The following CARS1 variants were observed in gnomAD, a reference collection of about 807,000 sequenced individuals.
CARS1 encodes cysteine--tRNA ligase, cytoplasmic.
Under a neutral mutation model 106.2 loss-of-function variants are expected in CARS1, and 48 were observed. The ratio of observed to expected loss-of-function variants is 0.45; its 90% CI spans 0.36 to 0.57. CARS1 has a LOEUF of 0.57. Ranked by LOEUF, CARS1 falls within the 20% of genes least tolerant of loss-of-function variation. The pLI, the probability that CARS1 is intolerant of heterozygous loss-of-function variation, is 0.00. For synonymous variants in CARS1, 409 were observed against 403.4 expected, an observed-to-expected ratio of 1.01 and a Z score of -0.17; for missense variants, 968 against 1,057.2, an observed-to-expected ratio of 0.92 and a Z score of 1.17.
chr11:3,001,391 C>A, intron 22 of CARS1, 143 bp from the exon 23 acceptor site: 1 of 934,852 alleles, frequency 1.1e-6, no homozygotes, highest in Non-Finnish European at 1.6e-6. Flanking sequence ...CACCACACTG[C>A]TCTGGAGCCA....
intron 1 of CARS1, chr11:3,054,758 T>C (rs907553735): frequency 2.0e-5 from 13 of 645,988 alleles, no homozygotes; most frequent in Middle Eastern, 8.1e-4. Context: ...TGGCAGGAGA[T>C]AACAGATGCA....
rs1854422494 is a variant in CARS1 at position 3,041,358 on chromosome 11, G to A, written c.367-374C>T. ...CCCTGAGCTAAATATTCAATATGCA[G>A]TACACTCTAGGACGTAGGTTATGTC... On this transcript the variant is annotated intron_variant, in intron 3 of 22. Transcript: ENST00000380525. This position sits in a 1 kb window ranked among gnomAD's most constrained non-coding sequence, Gnocchi z 4.9. The A allele has an allele frequency of 4.0e-6, 1 of 251,410 alleles. No homozygotes were observed. Among genetic ancestry groups the A allele is most frequent in the Non-Finnish European group, 7.8e-6 (1 of 127,412 alleles). 15.6% of individuals were successfully genotyped at this position (251,410 alleles called of 1,614,324 possible).
Position 3,019,065 on chromosome 11 carries a change from G to C in CARS1, c.1395+74C>G. ...AGTGAGAGAGGCCCTTCTGAGGCCT[G>C]GGCTGACTTTTCCTCCACTGCAGTA... On this transcript the variant is annotated intron_variant, in intron 12 of 22. Coordinates refer to ENST00000380525, the MANE Select transcript of CARS1 (RefSeq NM_001014437.3). The surrounding 1 kb of genome is among the most constrained non-coding windows in gnomAD (Gnocchi z 6.2). The C allele has an allele frequency of 2.1e-6, 3 of 1,462,170 alleles. No individual in the cohort carries two copies. Among genetic ancestry groups the C allele is most frequent in the Non-Finnish European group, 2.7e-6 (3 of 1,098,606 alleles). The allele number at this position is 1,462,170 out of a possible 1,614,324, so 90.6% of individuals were successfully genotyped here.
chr11:3,051,886 G>C (rs968022605), intron 1 of CARS1, among the ~76,000 whole-genome samples: 9 of 152,180 alleles, frequency 5.9e-5, no homozygotes, highest in Non-Finnish European at 1.2e-4. Context: ...GCAGCACCCT[G>C]AGAAACAGTG....
intron 22 of CARS1, among the ~76,000 whole-genome samples, chr11:3,001,468 G>C (rs1193409312): frequency 2.6e-5 from 4 of 152,154 alleles, no homozygotes; most frequent in Non-Finnish European, 4.4e-5. Flanking sequence ...GAGTCTGGGG[G>C]TGCTTCCTGC....
chr11:3,015,350 A>G (rs1485350900), intron 17 of CARS1, among the ~76,000 whole-genome samples: 1 of 152,266 alleles, frequency 6.6e-6, no homozygotes, highest in African/African-American at 2.4e-5. Flanking sequence ...ACCGAGGCAG[A>G]CAGTGGCGTA....
chr11:3,020,087 C>T lies in CARS1; in HGVS notation c.1266+133G>A, dbSNP rs532419207. On this transcript the variant is annotated intron_variant, in intron 11 of 22. Transcript: ENST00000380525. The surrounding 1 kb of genome is among the most constrained non-coding windows in gnomAD (Gnocchi z 4.6). ...GGTCCCCGGGGCCAGGCAGCCTGTGCTGCACCAGCACCAGGCTCTGGCCCA... is the reference window on the plus strand; with the variant it reads ...GGTCCCCGGGGCCAGGCAGCCTGTGTTGCACCAGCACCAGGCTCTGGCCCA... 1.2e-5 allele frequency: 8 copies of T among 670,528 alleles called. No homozygotes were observed. Among genetic ancestry groups the T allele is most frequent in the African/African-American group, 7.2e-5 (4 of 55,894 alleles). The allele number at this position is 670,528 out of a possible 1,614,324, so 41.5% of individuals were successfully genotyped here.
At position 3,028,219 on chromosome 11, in the gene CARS1, T is replaced by C. The variant is rs951585362; in HGVS notation, c.1031+777A>G. 1.1e-5 allele frequency: 4 copies of C among 374,598 alleles called. No individual in the cohort carries two copies. Among genetic ancestry groups the C allele is most frequent in the Non-Finnish European group, 1.0e-5 (2 of 199,230 alleles). The allele number at this position is 374,598 out of a possible 1,614,324, so 23.2% of individuals were successfully genotyped here. A position where few individuals can be genotyped will look rare whatever the true frequency, so the allele number is the denominator to read the frequency against. ...GACACGTGACCCACGTGGCCTTACCTATCATTGAAGATGGCTCACTCTCCT... is the reference window on the plus strand; with the variant it reads ...GACACGTGACCCACGTGGCCTTACCCATCATTGAAGATGGCTCACTCTCCT... On this transcript the variant is annotated intron_variant, in intron 9 of 22. Transcript: ENST00000380525. The surrounding 1 kb of genome is among the most constrained non-coding windows in gnomAD (Gnocchi z 4.4).
At position 3,020,891 on chromosome 11, in the gene CARS1, A is replaced by G. The variant is rs891241670; in HGVS notation, c.1154-559T>C. On this transcript the variant is annotated intron_variant, in intron 10 of 22. Coordinates refer to ENST00000380525, the MANE Select transcript of CARS1 (RefSeq NM_001014437.3). This position sits in a 1 kb window ranked among gnomAD's most constrained non-coding sequence, Gnocchi z 4.6. ...GGACATTTGCTGTTCCTGTGTATTT[A>G]TAAGGGGAAAATAGGTGAAGGAAAC... Among the ~76,000 whole-genome samples the G allele has an allele frequency of 2.0e-5, 3 of 152,166 alleles. No homozygotes were observed. The highest frequency in any genetic ancestry group is 6.5e-5 in the Admixed American group (1 of 15,278).
chr11:3,002,238 C>T lies in CARS1; in HGVS notation c.2278-185G>A, dbSNP rs903044730. The T allele has an allele frequency of 1.1e-5, 7 of 659,274 alleles. No individual in the cohort carries two copies. The South Asian group carries it at 1.3e-4, about 12-fold the overall frequency. The allele number at this position is 659,274 out of a possible 1,614,324, so 40.8% of individuals were successfully genotyped here. A position where few individuals can be genotyped will look rare whatever the true frequency, so the allele number is the denominator to read the frequency against. On this transcript the variant is annotated intron_variant, in intron 21 of 22. Coordinates refer to ENST00000380525, the MANE Select transcript of CARS1 (RefSeq NM_001014437.3). ...ACATACAAGGAATTTAAAATTAAAC[C>T]AGATGTTATTTCTACAGGAATAGTG... is the stretch of plus-strand genomic sequence containing the variant.
chr11:3,020,115 G>T lies in CARS1; in HGVS notation c.1266+105C>A. On this transcript the variant is annotated intron_variant, in intron 11 of 22. Transcript: ENST00000380525. This position sits in a 1 kb window ranked among gnomAD's most constrained non-coding sequence, Gnocchi z 4.6. ...CACCAGCACCAGGCTCTGGCCCAGT[G>T]ACAACATCCTTCACACACAGAGCGG... is the stretch of plus-strand genomic sequence containing the variant. 1 of 754,470 alleles carries T rather than the reference G, an allele frequency of 1.3e-6. No individual in the cohort carries two copies. The highest frequency in any genetic ancestry group is 2.4e-6 in the Non-Finnish European group (1 of 424,708). 46.7% of individuals were successfully genotyped at this position (754,470 alleles called of 1,614,324 possible). A position where few individuals can be genotyped will look rare whatever the true frequency, so the allele number is the denominator to read the frequency against.
Position 3,004,625 on chromosome 11 carries a change from G to A in CARS1, c.2217+741C>T, listed in dbSNP as rs1328437212. 6.6e-6 allele frequency among the ~76,000 whole-genome samples: 1 copy of A among 152,228 alleles called. No individual in the cohort carries two copies. Among genetic ancestry groups the A allele is most frequent in the Non-Finnish European group, 1.5e-5 (1 of 68,040 alleles). Reference sequence around the variant, plus strand: ...CATCCCAGGGTACCCCATGCGCTGTGCCCAGAGATTCTGACATTGCGTTTT... The same window carrying A: ...CATCCCAGGGTACCCCATGCGCTGTACCCAGAGATTCTGACATTGCGTTTT... On this transcript the variant is annotated intron_variant, in intron 20 of 22. Coordinates refer to ENST00000380525, the MANE Select transcript of CARS1 (RefSeq NM_001014437.3). This position sits in a 1 kb window ranked among gnomAD's most constrained non-coding sequence, Gnocchi z 5.2.
At position 3,050,572 on chromosome 11, in the gene CARS1, C is replaced by T. The variant is rs560641583; in HGVS notation, c.26-2571G>A. Among the ~76,000 whole-genome samples the T allele has an allele frequency of 3.3e-5, 5 of 152,362 alleles. No individual in the cohort carries two copies. The highest frequency in any genetic ancestry group is 7.2e-5 in the African/African-American group (3 of 41,576). ...TCCCCTCACAGCCACAGGCCTCCAG[C>T]GGCCCTGCTGAAAAGCGCACGTTCA... On this transcript the variant is annotated intron_variant, in intron 1 of 22. Transcript: ENST00000380525. The surrounding 1 kb of genome is among the most constrained non-coding windows in gnomAD (Gnocchi z 6.3).
rs577400056 is a variant in CARS1, at chr11:3,052,211, C to T, written c.26-4210G>A. 4.6e-5 allele frequency among the ~76,000 whole-genome samples: 7 copies of T among 152,328 alleles called. No homozygotes were observed. Among genetic ancestry groups the T allele is most frequent in the East Asian group, 3.9e-4 (2 of 5,182 alleles). On this transcript the variant is annotated intron_variant, in intron 1 of 22. Transcript: ENST00000380525. This position sits in a 1 kb window ranked among gnomAD's most constrained non-coding sequence, Gnocchi z 4.6. ...ATCCGCTCTCTGGAGACCTGAGGGG[C>T]GGCCCCGACGCCCTCCAGGGCTGAG...
intron 9 of CARS1, 124 bp from the exon 10 acceptor site, chr11:3,026,921 G>T: frequency 9.4e-7 from 1 of 1,061,294 alleles, no homozygotes; most frequent in Non-Finnish European, 1.4e-6. Flanking sequence ...TCTACTCTCT[G>T]TGGTGGCCAC....
rs1368699050 is a variant in CARS1, at chr11:3,005,503, C to T, written c.2150-70G>A. The T allele has an allele frequency of 4.5e-6, 5 of 1,118,354 alleles. No homozygotes were observed. In the African/African-American group the frequency reaches 6.2e-5, roughly 14 times the overall value. 69.3% of individuals were successfully genotyped at this position (1,118,354 alleles called of 1,614,324 possible). On this transcript the variant is annotated intron_variant, in intron 19 of 22. Transcript: ENST00000380525. ...CGTCCCCACTGCGGGGCCAGCCCTGCCCTGCCCTGCCCTGCCCAGACCATG... is the reference window on the plus strand; with the variant it reads ...CGTCCCCACTGCGGGGCCAGCCCTGTCCTGCCCTGCCCTGCCCAGACCATG...
intron 16 of CARS1, among the ~76,000 whole-genome samples, chr11:3,016,141 T>C (rs1435312686): frequency 6.6e-6 from 1 of 151,614 alleles, no homozygotes; most frequent in Non-Finnish European, 1.5e-5. Flanking sequence ...CAGGCCCTGC[T>C]GGCCTTTCAA....
At position 3,029,533 on chromosome 11, in the gene CARS1, G is replaced by T; in HGVS notation, c.802-90C>A. 1 of 1,427,662 alleles carries T rather than the reference G, an allele frequency of 7.0e-7. No individual in the cohort carries two copies. The highest frequency in any genetic ancestry group is 9.6e-7 in the Non-Finnish European group (1 of 1,043,012). The allele number at this position is 1,427,662 out of a possible 1,614,324, so 88.4% of individuals were successfully genotyped here. A position where few individuals can be genotyped will look rare whatever the true frequency, so the allele number is the denominator to read the frequency against. On this transcript the variant is annotated intron_variant, in intron 7 of 22. Transcript: ENST00000380525. This position sits in a 1 kb window ranked among gnomAD's most constrained non-coding sequence, Gnocchi z 5.9. ...GCTGGTGTGAGCCCATCAGTGCCCTGAATTCAAAGGTGCTGACCTTGACCT... is the reference window on the plus strand; with the variant it reads ...GCTGGTGTGAGCCCATCAGTGCCCTTAATTCAAAGGTGCTGACCTTGACCT...
rs1853994371 is a variant in CARS1 at position 3,038,569 on chromosome 11, C to G, written c.652-370G>C. 6.6e-6 allele frequency among the ~76,000 whole-genome samples: 1 copy of G among 152,204 alleles called. No homozygotes were observed. The highest frequency in any genetic ancestry group is 1.5e-5 in the Non-Finnish European group (1 of 68,030). ...ACATCCATCAGGAAGGTACTCAGGC[C>G]TCACTGACCTAAAAGATTGCTCAGC... On this transcript the variant is annotated intron_variant, in intron 6 of 22. Coordinates refer to ENST00000380525, the MANE Select transcript of CARS1 (RefSeq NM_001014437.3). The surrounding 1 kb of genome is among the most constrained non-coding windows in gnomAD (Gnocchi z 4.0).
Sources: allele counts gnomAD v4.1 joint callset (sites outside exome capture counted in the v4.1 genomes callset), GRCh38; gene constraint gnomAD v4.1.1; non-coding constraint Gnocchi (gnomAD v3.1); transcripts MANE v1.5; gene names NCBI Gene and HGNC (gene_info 2026-07-23, HGNC 2026-07-21).